Variants in MARCHF6 observed in about 807,000 individuals in gnomAD.
MARCHF6 encodes membrane associated ring-CH-type finger 6, also known as E3 ubiquitin-protein ligase MARCHF6.
In MARCHF6, 31 loss-of-function variants were observed where a neutral mutation model predicts 133.7. The observed-to-expected ratio is 0.23, with a 90% confidence interval of 0.17 to 0.31. The LOEUF (loss-of-function observed/expected upper bound fraction) is 0.31. Ranked by LOEUF, MARCHF6 falls within the 10% of genes least tolerant of loss-of-function variation. MARCHF6 has a pLI of 1.00. For missense variants in MARCHF6, 723 were observed against 1,121.6 expected, an observed-to-expected ratio of 0.64 and a Z score of 5.08; for synonymous variants, 395 against 402.5, an observed-to-expected ratio of 0.98 and a Z score of 0.22.
chr5:10,385,165 G>A (rs1363129216), intron 4 of MARCHF6, among the ~76,000 whole-genome samples: 1 of 152,204 alleles, frequency 6.6e-6, no homozygotes, highest in Non-Finnish European at 1.5e-5. Context: ...TCTGAATAGT[G>A]GTTACCTTTT....
chr5:10,405,686 A>ATGTTTCCAT lies in MARCHF6; in HGVS notation c.1452+15_1452+23dup. 6.4e-7 allele frequency: 1 copy of ATGTTTCCAT among 1,568,580 alleles called. No homozygotes were observed. The highest frequency in any genetic ancestry group is 8.6e-7 in the Non-Finnish European group (1 of 1,164,958). On this transcript the variant is annotated intron_variant, in intron 16 of 25. Transcript: ENST00000274140. ...GATTTATTTTGTCAGTGGTAAGAAGATGTTTCCATTGTTTTTTTTTTTTGA... is the reference window on the plus strand; with the variant it reads ...GATTTATTTTGTCAGTGGTAAGAAGATGTTTCCATTGTTTCCATTGTTTTTTTTTTTTGA...
chr5:10,398,809 A>C (rs970033763), intron 10 of MARCHF6, among the ~76,000 whole-genome samples: 1 of 152,174 alleles, frequency 6.6e-6, no homozygotes, highest in African/African-American at 2.4e-5. Flanking sequence ...CTTATGTTTT[A>C]TTATATAGTT....
chr5:10,421,774 A>G (rs1021106694), intron 22 of MARCHF6, among the ~76,000 whole-genome samples: 6 of 152,180 alleles, frequency 3.9e-5, no homozygotes, highest in Non-Finnish European at 7.4e-5. Flanking sequence ...AAAAGCAGGG[A>G]GGCTTTCTTC....
At chr5:10,429,863 A>G (rs1435968329) in intron 24 of MARCHF6, 30 bp from the exon 25 acceptor site, 2 of 1,598,332 alleles carry the variant, frequency 1.3e-6, no homozygotes, top group South Asian at 1.1e-5. Flanking sequence ...TTTCACATAC[A>G]CTGAAAGTTT....
intron 25 of MARCHF6, among the ~76,000 whole-genome samples, chr5:10,430,369 G>A (rs924469153): frequency 1.3e-5 from 2 of 149,150 alleles, no homozygotes; most frequent in Non-Finnish European, 1.5e-5. Flanking sequence ...GCAGTGGTGC[G>A]AACTTGGCTC....
intron 1 of MARCHF6, among the ~76,000 whole-genome samples, chr5:10,365,330 C>T (rs527975249): frequency 2.4e-4 from 36 of 152,106 alleles, no homozygotes; most frequent in African/African-American, 7.2e-4. Flanking sequence ...GACAGAGTTT[C>T]GCTCTTGTTG....
Position 10,431,506 on chromosome 5 carries a change from C to T in MARCHF6, c.2642+1478C>T, listed in dbSNP as rs536683215. Reference sequence around the variant, plus strand: ...AGTGTCCTCTTTCCTCTTTTCCCATCTGTTCCTTTATGCAGAAAGGTGTTG... The same window carrying T: ...AGTGTCCTCTTTCCTCTTTTCCCATTTGTTCCTTTATGCAGAAAGGTGTTG... On this transcript the variant is annotated intron_variant, in intron 25 of 25. Coordinates refer to ENST00000274140, the MANE Select transcript of MARCHF6 (RefSeq NM_005885.4). 6.6e-5 allele frequency among the ~76,000 whole-genome samples: 10 copies of T among 152,282 alleles called. No individual in the cohort carries two copies. The East Asian group carries it at 1.7e-3, about 26-fold the overall frequency.
At chr5:10,371,932 A>C (rs1736495501) in intron 1 of MARCHF6, among the ~76,000 whole-genome samples, 2 of 152,236 alleles carry the variant, frequency 1.3e-5, no homozygotes, top group South Asian at 4.1e-4. Flanking sequence ...CAGGAGTTTG[A>C]GACTAGCCCG....
Position 10,394,151 on chromosome 5 carries a change from C to T in MARCHF6, c.828+8C>T, listed in dbSNP as rs747819377. The T allele has an allele frequency of 2.9e-5, 45 of 1,535,532 alleles. No individual in the cohort carries two copies. Among genetic ancestry groups the T allele is most frequent in the Non-Finnish European group, 3.9e-5 (44 of 1,132,836 alleles). ...GAGCTTACATGGGAAAGAGTAAGAC[C>T]TTTTTCTGTCAAGTATCCTGGTGTT... On this transcript the variant is annotated splice_region_variant and intron_variant, in intron 8 of 25. Coordinates refer to ENST00000274140, the MANE Select transcript of MARCHF6 (RefSeq NM_005885.4).
chr5:10,384,835 T>C (rs1331812161), intron 4 of MARCHF6, among the ~76,000 whole-genome samples: 1 of 152,232 alleles, frequency 6.6e-6, no homozygotes, highest in African/African-American at 2.4e-5. Context: ...ATCTAGCAGT[T>C]CCATTCTTGG....
chr5:10,370,092 A>ATTTTTTTTTTT (rs762064486), intron 1 of MARCHF6, among the ~76,000 whole-genome samples: 2 of 64,968 alleles, frequency 3.1e-5, no homozygotes, highest in African/African-American at 1.4e-4. Context: ...TCTTACTGTG[A>ATTTTTTTTTTT]TTTTTTTTTT....
At chr5:10,405,914 A>T (rs539824381) in intron 16 of MARCHF6, among the ~76,000 whole-genome samples, 2 of 152,312 alleles carry the variant, frequency 1.3e-5, no homozygotes, top group East Asian at 3.9e-4. Flanking sequence ...TAGTAGTATA[A>T]TTCAGGGGTC....
At position 10,353,778 on chromosome 5, in the gene MARCHF6, C is replaced by T; in HGVS notation, c.-121C>T. On this transcript the variant is annotated 5_prime_UTR_variant, in exon 1 of 26. Transcript: ENST00000274140. ...TCTCCCCTCTCCTTCCTCTCGCTTC[C>T]TCTCTCGCACCTGAGCGTACGCACC... is the stretch of plus-strand genomic sequence containing the variant. 1.2e-6 allele frequency: 1 copy of T among 833,878 alleles called. No individual in the cohort carries two copies. The highest frequency in any genetic ancestry group is 1.9e-6 in the Non-Finnish European group (1 of 527,626). The allele number at this position is 833,878 out of a possible 1,614,324, so 51.7% of individuals were successfully genotyped here.
intron 1 of MARCHF6, among the ~76,000 whole-genome samples, chr5:10,358,503 T>A (rs1735617416): frequency 6.7e-6 from 1 of 150,058 alleles, no homozygotes; most frequent in African/African-American, 2.4e-5. Flanking sequence ...ATGTACAGCC[T>A]TTTTTTCTTG....
At chr5:10,379,671 C>T (rs1037318502) in intron 3 of MARCHF6, among the ~76,000 whole-genome samples, 4 of 152,238 alleles carry the variant, frequency 2.6e-5, no homozygotes, top group African/African-American at 9.6e-5. Context: ...CCATGTTAGC[C>T]AGGATGGTCT....
At position 10,397,157 on chromosome 5, in the gene MARCHF6, A is replaced by G. The variant is rs1561127097; in HGVS notation, c.862-136A>G. ...AGTTACATATTATGTCTAGATTGAAATCCCAAAACAATAGAGGGAAAATTT... is the reference window on the plus strand; with the variant it reads ...AGTTACATATTATGTCTAGATTGAAGTCCCAAAACAATAGAGGGAAAATTT... On this transcript the variant is annotated intron_variant, in intron 9 of 25. Transcript: ENST00000274140. 3 of 568,534 alleles carry G rather than the reference A, an allele frequency of 5.3e-6. No homozygotes were observed. The East Asian group carries it at 8.7e-5, about 17-fold the overall frequency. 35.2% of individuals were successfully genotyped at this position (568,534 alleles called of 1,614,324 possible). A position where few individuals can be genotyped will look rare whatever the true frequency, so the allele number is the denominator to read the frequency against.
intron 1 of MARCHF6, among the ~76,000 whole-genome samples, chr5:10,365,054 C>CA (rs1736058123): frequency 6.6e-6 from 1 of 152,122 alleles, no homozygotes; most frequent in Non-Finnish European, 1.5e-5. Context: ...CTACCCACCT[C>CA]AGCCTCCCAA....
chr5:10,404,978 A>G (rs1303625217), intron 15 of MARCHF6, among the ~76,000 whole-genome samples: 2 of 152,208 alleles, frequency 1.3e-5, no homozygotes, highest in Non-Finnish European at 2.9e-5. Flanking sequence ...TTTTGTTGAT[A>G]TAAAATTTTA....
At chr5:10,400,695 A>G (rs1458530212) in intron 10 of MARCHF6, 89 bp from the exon 11 acceptor site, 8 of 900,572 alleles carry the variant, frequency 8.9e-6, no homozygotes, top group Non-Finnish European at 1.5e-5. Context: ...TTCTCCAAGA[A>G]GCCCTAGTTC....
Sources: gnomAD v4.1 joint callset for allele counts (sites outside exome capture counted in the v4.1 genomes callset) on GRCh38, gnomAD v4.1.1 for gene constraint, MANE v1.5 for transcripts, NCBI Gene and HGNC (gene_info 2026-07-23, HGNC 2026-07-21) for gene names.